The following CIB2 variants were observed in gnomAD, a reference collection of about 807,000 sequenced individuals.
CIB2 encodes the protein calcium and integrin binding family member 2.
In CIB2, 19 loss-of-function variants were observed where a neutral mutation model predicts 23.1. The ratio of observed to expected loss-of-function variants is 0.82; its 90% CI spans 0.57 to 1.21. The LOEUF (loss-of-function observed/expected upper bound fraction) is 1.21, where lower values mean the gene tolerates loss of function less well. CIB2 is among the 50% of genes most tolerant of loss of function. The probability of loss-of-function intolerance (pLI) is 0.00; values close to 1 mark genes in which losing one functional copy is unlikely to be tolerated. For synonymous variants in CIB2, 94 were observed against 91.7 expected (o/e 1.03, Z -0.14); for missense variants, 220 against 241.5 (o/e 0.91, Z 0.59).
At chr15:78,106,118 C>T (rs1036160451) in intron 4 of CIB2, among the ~76,000 whole-genome samples, 184 bp from the exon 5 acceptor site, 3 of 152,206 alleles carry the variant, frequency 2.0e-5, no homozygotes, top group African/African-American at 7.2e-5. Context: ...CACCAGGCAT[C>T]GCTTAAACAC....
intron 2 of CIB2, among the ~76,000 whole-genome samples, chr15:78,112,885 G>T (rs1226891359): frequency 6.6e-6 from 1 of 152,132 alleles, no homozygotes; most frequent in Non-Finnish European, 1.5e-5. Flanking sequence ...CCTTAGCAAG[G>T]CACCTGACTA....
At chr15:78,129,351 G>C (rs556046248) in intron 1 of CIB2, among the ~76,000 whole-genome samples, 132 of 152,252 alleles carry the variant, frequency 8.7e-4, no homozygotes, top group African/African-American at 3.2e-3. Flanking sequence ...ACTGGGACTG[G>C]CTCCGATGAG....
At chr15:78,109,194 C>A (rs759445405) in intron 4 of CIB2, 41 bp downstream of exon 4, 5 of 1,268,866 alleles carry the variant, frequency 3.9e-6, no homozygotes, top group East Asian at 2.8e-5. Context: ...CCACATGTTC[C>A]CCCACCGCAT....
At chr15:78,114,137 C>G (rs1161121142) in intron 2 of CIB2, among the ~76,000 whole-genome samples, 1 of 152,218 alleles carries the variant, frequency 6.6e-6, no homozygotes, top group African/African-American at 2.4e-5. Context: ...TGGCCTTCAA[C>G]TGGCAGCTTT....
chr15:78,115,419 T>A (rs2074223979), intron 2 of CIB2, among the ~76,000 whole-genome samples: 1 of 151,722 alleles, frequency 6.6e-6, no homozygotes. Flanking sequence ...GCGACCACAC[T>A]CGGCTGATTT....
At chr15:78,123,647 C>T in intron 2 of CIB2, 58 bp downstream of exon 2, 1 of 1,596,812 alleles carries the variant, frequency 6.3e-7, no homozygotes, top group African/African-American at 1.3e-5. Flanking sequence ...TGGGGTGCCC[C>T]AGCCTCACCC....
At chr15:78,127,265 G>A (rs1485441632) in intron 1 of CIB2, among the ~76,000 whole-genome samples, 1 of 152,158 alleles carries the variant, frequency 6.6e-6, no homozygotes. Flanking sequence ...GGGAGCTACA[G>A]CCCTATGTCT....
intron 1 of CIB2, among the ~76,000 whole-genome samples, chr15:78,126,196 A>T (rs930990693): frequency 2.9e-5 from 4 of 136,076 alleles, no homozygotes; most frequent in Admixed American, 8.1e-5. Context: ...AGGCTGGAGT[A>T]CAGTGGCATG....
At chr15:78,112,329 G>A (rs2074172930) in intron 2 of CIB2, among the ~76,000 whole-genome samples, 1 of 152,218 alleles carries the variant, frequency 6.6e-6, no homozygotes, top group Non-Finnish European at 1.5e-5. Context: ...TGTTTTGGGA[G>A]GCTGAGGTGG....
chr15:78,105,500 G>A (rs963638959), intron 5 of CIB2, 168 bp from the exon 6 acceptor site: 12 of 1,500,902 alleles, frequency 8.0e-6, no homozygotes, highest in African/African-American at 1.4e-5. Context: ...CGGAGGAACA[G>A]CGGTGCCCAG....
chr15:78,125,142 G>A (rs1419149508), intron 1 of CIB2, among the ~76,000 whole-genome samples: 2 of 152,172 alleles, frequency 1.3e-5, no homozygotes, highest in African/African-American at 4.8e-5. Flanking sequence ...CTCAGGCTGG[G>A]GAAGCAGTGC....
intron 2 of CIB2, chr15:78,120,460 G>T: frequency 1.4e-6 from 1 of 734,220 alleles, no homozygotes; most frequent in Non-Finnish European, 1.7e-6. Flanking sequence ...TTGGAGTGCT[G>T]GCTGGGTGGG....
intron 4 of CIB2, among the ~76,000 whole-genome samples, chr15:78,107,189 C>G (rs1299704968): frequency 6.6e-6 from 1 of 152,034 alleles, no homozygotes; most frequent in African/African-American, 2.4e-5. Context: ...GAGCTGAGAT[C>G]GCACCACTGC....
intron 1 of CIB2, among the ~76,000 whole-genome samples, chr15:78,126,224 C>G (rs2074379850): frequency 1.3e-5 from 2 of 149,766 alleles, no homozygotes; most frequent in South Asian, 4.3e-4. Flanking sequence ...CTCACTGCAA[C>G]CTCCGCCTCC....
chr15:78,122,910 G>A (rs1299918176), intron 2 of CIB2, among the ~76,000 whole-genome samples: 2 of 152,206 alleles, frequency 1.3e-5, no homozygotes, highest in African/African-American at 4.8e-5. Flanking sequence ...GCTGCAATGG[G>A]CTCTGGTCCC....
At chr15:78,116,157 G>A (rs889107660) in intron 2 of CIB2, among the ~76,000 whole-genome samples, 8 of 151,938 alleles carry the variant, frequency 5.3e-5, no homozygotes, top group Non-Finnish European at 8.8e-5. Context: ...AGGAGGTGCC[G>A]ATTTAAAGTA....
Position 78,111,501 on chromosome 15 carries a change from C to T in CIB2, c.87-225G>A, listed in dbSNP as rs2074158987. Among the ~76,000 whole-genome samples, 5 of 152,256 alleles carry T rather than the reference C, an allele frequency of 3.3e-5. No individual in the cohort carries two copies. The South Asian group carries it at 1.0e-3, about 32-fold the overall frequency. On this transcript the variant is annotated intron_variant, in intron 2 of 5. Coordinates refer to ENST00000258930, the MANE Select transcript of CIB2 (RefSeq NM_006383.4). ...ATAACCAGGTTGTGTCCAGGCCTCC[C>T]TATTTCCACCACACCCACCCCATCA...
chr15:78,105,880 C>A lies in CIB2; in HGVS notation c.401G>T (p.Arg134Leu), dbSNP rs199819065. 313 of 1,614,068 alleles carry A rather than the reference C, an allele frequency of 1.9e-4. No homozygotes were observed. The highest frequency in any genetic ancestry group is 2.4e-4 in the Non-Finnish European group (286 of 1,180,040). Residue 134 changes from arginine to leucine, a missense_variant, in exon 5 of 6, where the codon CGG (arginine) becomes CTG (leucine). Coordinates refer to ENST00000258930, the MANE Select transcript of CIB2 (RefSeq NM_006383.4). ...CTCATCCAGCTCTGACTTAGTGAGC[C>A]GGGCCAGCGTCAGCTCCAGGTCCTC... ...CKEDLELTLA[R>L]LTKSELDEEE...
At chr15:78,130,117 C>T (rs1333572241) in intron 1 of CIB2, among the ~76,000 whole-genome samples, 1 of 152,174 alleles carries the variant, frequency 6.6e-6, no homozygotes, top group Non-Finnish European at 1.5e-5. Flanking sequence ...CAACAAGTGC[C>T]TATGGAGACC....
Sources: allele counts gnomAD v4.1 joint callset (sites outside exome capture counted in the v4.1 genomes callset), GRCh38; gene constraint gnomAD v4.1.1; transcripts MANE v1.5; gene names NCBI Gene and HGNC (gene_info 2026-07-23, HGNC 2026-07-21).